Variants in DAB1 observed in about 807,000 individuals in gnomAD.
DAB1 encodes the protein disabled homolog 1.
DAB1 carries 15 observed loss-of-function variants against 64.6 expected under a neutral mutation model. The observed-to-expected ratio is 0.23, with a 90% CI of 0.16 to 0.36. The LOEUF (loss-of-function observed/expected upper bound fraction) is 0.36, where lower values mean the gene tolerates loss of function less well. DAB1 is among the 10% of genes least tolerant of loss of function. The pLI, the probability that DAB1 is intolerant of heterozygous loss-of-function variation, is 1.00. For missense variants in DAB1, 596 were observed against 706.7 expected, an observed-to-expected ratio of 0.84 and a Z score of 1.78; for synonymous variants, 235 against 251.9, an observed-to-expected ratio of 0.93 and a Z score of 0.64.
At chr1:58,326,370 A>C (rs189440195) in intron 4 of DAB1, among the ~76,000 whole-genome samples, 1 of 152,294 alleles carries the variant, frequency 6.6e-6, no homozygotes, top group Admixed American at 6.5e-5. Flanking sequence ...AGGTTGATTG[A>C]GTGCAGGAGA....
intron 5 of DAB1, among the ~76,000 whole-genome samples, chr1:58,148,708 T>C (rs1348381257): frequency 1.3e-5 from 2 of 152,108 alleles, no homozygotes; most frequent in Admixed American, 1.3e-4. Flanking sequence ...GCAGGGGAAC[T>C]GCCCTTTATA....
intron 4 of DAB1, among the ~76,000 whole-genome samples, chr1:58,296,198 A>AAAG (rs1661980872): frequency 2.1e-5 from 1 of 48,298 alleles, no homozygotes; most frequent in East Asian, 4.9e-4. Flanking sequence ...AAAGAAAGAG[A>AAAG]AAGAAAGAAA....
intron 1 of DAB1, among the ~76,000 whole-genome samples, chr1:57,306,310 C>A (rs1017511207): frequency 1.3e-5 from 2 of 152,184 alleles, no homozygotes; most frequent in African/African-American, 4.8e-5. Context: ...CTGAGGGCTA[C>A]CTGAAGGCAT....
At chr1:57,962,343 G>A (rs1267359711) in intron 5 of DAB1, among the ~76,000 whole-genome samples, 2 of 151,858 alleles carry the variant, frequency 1.3e-5, no homozygotes, top group African/African-American at 4.8e-5. Context: ...ATTTTTCCAT[G>A]GGCATAGTGT....
intron 2 of DAB1, among the ~76,000 whole-genome samples, chr1:57,266,586 A>G (rs546476403): frequency 6.6e-6 from 1 of 152,170 alleles, no homozygotes; most frequent in Non-Finnish European, 1.5e-5. Flanking sequence ...ATCATACTGG[A>G]CTACAGCAAT....
At chr1:58,448,712 A>G (rs1262005988) in intron 3 of DAB1, among the ~76,000 whole-genome samples, 2 of 152,216 alleles carry the variant, frequency 1.3e-5, no homozygotes, top group Non-Finnish European at 2.9e-5. Context: ...ATAACTAGGG[A>G]TCCCATTAAT....
At chr1:57,163,762 T>C (rs1043653353) in intron 2 of DAB1, among the ~76,000 whole-genome samples, 3 of 151,632 alleles carry the variant, frequency 2.0e-5, no homozygotes, top group Non-Finnish European at 4.4e-5. Flanking sequence ...AGGGATTATT[T>C]TTAGATTGTG....
At chr1:57,591,831 C>T (rs764278440) in intron 7 of DAB1, among the ~76,000 whole-genome samples, 2 of 152,144 alleles carry the variant, frequency 1.3e-5, no homozygotes, top group Non-Finnish European at 2.9e-5. Context: ...CTGGGGAAAC[C>T]GTCTAGAGCA....
At chr1:57,226,224 A>C (rs1432701062) in intron 2 of DAB1, among the ~76,000 whole-genome samples, 5 of 152,224 alleles carry the variant, frequency 3.3e-5, no homozygotes. Flanking sequence ...GCTTATCGCT[A>C]GCAGAGACCT....
chr1:57,360,709 G>T (rs1679479405), intron 1 of DAB1, among the ~76,000 whole-genome samples: 1 of 152,070 alleles, frequency 6.6e-6, no homozygotes, highest in Admixed American at 6.6e-5. Flanking sequence ...TACAAAAATT[G>T]CTTGAGTTTT....
At chr1:57,419,367 CAA>C (rs2101082417) in intron 1 of DAB1, among the ~76,000 whole-genome samples, 1 of 152,064 alleles carries the variant, frequency 6.6e-6, no homozygotes, top group East Asian at 1.9e-4. Context: ...AGAATTCAAT[CAA>C]AGTCATTTTA....
chr1:58,141,657 T>C lies in DAB1; in HGVS notation n.387+8854A>G, dbSNP rs745673804. The stretch of plus-strand genomic sequence containing the variant: ...CTCCAACCAGGCCCCACCTCCAACA[T>C]TGGGGATTACATTTCAACACGAGAT... On this transcript the variant is annotated intron_variant and non_coding_transcript_variant, in intron 5 of 20. Transcript: ENST00000485760. Among the ~76,000 whole-genome samples the C allele has an allele frequency of 6.6e-5, 10 of 152,012 alleles. No individual in the cohort carries two copies. The South Asian group carries it at 8.3e-4, about 13-fold the overall frequency.
chr1:57,680,943 A>C (rs2101697588), intron 6 of DAB1, among the ~76,000 whole-genome samples: 1 of 152,298 alleles, frequency 6.6e-6, no homozygotes, highest in Admixed American at 6.5e-5. Flanking sequence ...AGTATCTCTG[A>C]ATGGAATGCT....
At chr1:57,720,745 T>G (rs1387534543) in intron 6 of DAB1, among the ~76,000 whole-genome samples, 1 of 152,228 alleles carries the variant, frequency 6.6e-6, no homozygotes, top group Non-Finnish European at 1.5e-5. Context: ...TCATCCTCCT[T>G]CTTTCCCGTA....
chr1:57,585,799 A>G (rs1645372075), intron 7 of DAB1, among the ~76,000 whole-genome samples: 1 of 152,244 alleles, frequency 6.6e-6, no homozygotes, highest in Non-Finnish European at 1.5e-5. Flanking sequence ...TTACTACATG[A>G]ACATATAATA....
At position 57,695,389 on chromosome 1, in the gene DAB1, AAAG is replaced by A. The variant is rs1557427895; in HGVS notation, n.552-45727_552-45725del. Among the ~76,000 whole-genome samples the A allele has an allele frequency of 7.7e-3, 569 of 74,226 alleles. 8 individuals carry two copies. Among genetic ancestry groups the A allele is most frequent in the Middle Eastern group, 0.033 (4 of 120 alleles). 48.7% of individuals were successfully genotyped at this position (74,226 alleles called of 152,430 possible). A position where few individuals can be genotyped will look rare whatever the true frequency, so the allele number is the denominator to read the frequency against. On this transcript the variant is annotated intron_variant and non_coding_transcript_variant, in intron 6 of 20. Coordinates refer to the DAB1 transcript ENST00000485760. ...GAAAGAAAGAAAGAAAGAAAGAAAGAAAGAAAGAAAGAAAGAAAGAAAGAAAGA... is the reference window on the plus strand; with the variant it reads ...GAAAGAAAGAAAGAAAGAAAGAAAGAAAAGAAAGAAAGAAAGAAAGAAAGA...
chr1:57,160,986 C>T (rs1213073524), intron 2 of DAB1, among the ~76,000 whole-genome samples: 2 of 152,098 alleles, frequency 1.3e-5, no homozygotes, highest in African/African-American at 2.4e-5. Context: ...AACTGCATCA[C>T]GGTTCAACTC....
chr1:57,233,255 C>CCTTTTTT (rs1211223285), intron 2 of DAB1, among the ~76,000 whole-genome samples: 1 of 60,804 alleles, frequency 1.6e-5, no homozygotes, highest in Admixed American at 3.2e-4. Flanking sequence ...TGCTCCGATT[C>CCTTTTTT]TTTTTTTTTT....
chr1:58,438,706 G>A lies in DAB1; in HGVS notation n.257+67354C>T, dbSNP rs144087335. On this transcript the variant is annotated intron_variant and non_coding_transcript_variant, in intron 3 of 20. Transcript: ENST00000485760. ...CATTCACATGCTCCTCAGGTGTCCA[G>A]TGCCAGTGTCTGGCTAGTGTGAAAG... is the stretch of plus-strand genomic sequence containing the variant. Among the ~76,000 whole-genome samples the A allele has an allele frequency of 2.0e-4, 31 of 152,318 alleles. 1 individual carries two copies. In the East Asian group the frequency reaches 3.9e-3, roughly 19 times the overall value.
Sources: allele counts gnomAD v4.1 joint callset (sites outside exome capture counted in the v4.1 genomes callset), GRCh38; gene constraint gnomAD v4.1.1; transcripts MANE v1.5; gene names NCBI Gene and HGNC (gene_info 2026-07-23, HGNC 2026-07-21).